The following MACF1 variants were observed in gnomAD, a reference collection of about 807,000 sequenced individuals.
MACF1 encodes the protein microtubule-actin cross-linking factor 1.
MACF1 carries 193 observed loss-of-function variants against 854.8 expected under a neutral mutation model. That is an observed-to-expected ratio of 0.23 (90% CI 0.20 to 0.25). MACF1 has a LOEUF of 0.25. MACF1 is among the 10% of genes least tolerant of loss of function. MACF1 has a pLI of 1.00. For missense variants in MACF1, 7,722 were observed against 8,929.1 expected (o/e 0.86, Z 5.45); for synonymous variants, 3,185 against 3,226.7 (o/e 0.99, Z 0.44).
At chr1:39,449,822 C>G (rs1026272332) in intron 84 of MACF1, among the ~76,000 whole-genome samples, 1 of 151,376 alleles carries the variant, frequency 6.6e-6, no homozygotes, top group Non-Finnish European at 1.5e-5. Context: ...TCTTGAGTAG[C>G]TCAGACTATA....
chr1:39,442,239 G>T lies in MACF1; in HGVS notation c.18867G>T (p.Thr6289=), dbSNP rs370347610. ...TGTTAAAGAAAGCTACTGATGAGAC[G>T]GACAGAGACATTATACGAGAACCAC... The part of the protein sequence containing the change: ...ELMLKKATDE[T]DRDIIREPLT... Residue 6289 remains threonine, a synonymous_variant, in exon 76 of 101, where the codon ACG becomes ACT. Coordinates refer to ENST00000564288, the MANE Select transcript of MACF1 (RefSeq NM_001394062.1). The T allele has an allele frequency of 8.1e-6, 13 of 1,610,062 alleles. No homozygotes were observed. The highest frequency in any genetic ancestry group is 2.2e-5 in the East Asian group (1 of 44,864).
intron 6 of MACF1, among the ~76,000 whole-genome samples, chr1:39,270,127 G>A (rs1645288558): frequency 6.6e-6 from 1 of 152,218 alleles, no homozygotes; most frequent in South Asian, 2.1e-4. Flanking sequence ...GAATAAATGT[G>A]GAAGGGGTCA....
intron 84 of MACF1, among the ~76,000 whole-genome samples, 197 bp from the exon 85 acceptor site, chr1:39,450,855 C>G (rs1644329420): frequency 6.6e-6 from 1 of 152,014 alleles, no homozygotes; most frequent in Non-Finnish European, 1.5e-5. Flanking sequence ...TCGTGATCTG[C>G]CCACCTCGGC....
intron 58 of MACF1, among the ~76,000 whole-genome samples, chr1:39,389,239 G>A (rs966201478): frequency 6.6e-6 from 1 of 151,316 alleles, no homozygotes; most frequent in Non-Finnish European, 1.5e-5. Context: ...AGAAAGAAAT[G>A]TCCAAGTCTT....
In MACF1 at chr1:39,295,120, T is replaced by C. The variant is rs764089257; in HGVS notation, c.2229T>C (p.Leu743=). The C allele has an allele frequency of 6.2e-7, 1 of 1,614,022 alleles. No individual in the cohort carries two copies. The highest frequency in any genetic ancestry group is 8.5e-7 in the Non-Finnish European group (1 of 1,179,942). The part of the protein sequence containing the change: ...SLQDTAELLS[L]ENHPAKQTVE... ...AAGATACAGCAGAACTACTTTCACTTGAGAACCACCCAGCCAAGCAGACAG... is the reference window on the plus strand; with the variant it reads ...AAGATACAGCAGAACTACTTTCACTCGAGAACCACCCAGCCAAGCAGACAG... The change falls in exon 19 of 101, where the codon CTT becomes CTC. Residue 743 remains leucine, a synonymous_variant. Transcript: ENST00000564288.
intron 65 of MACF1, 101 bp from the exon 66 acceptor site, chr1:39,430,601 C>A: frequency 1.2e-6 from 1 of 861,476 alleles, no homozygotes; most frequent in Non-Finnish European, 1.9e-6. Context: ...AGGTCAGAGT[C>A]CTGCTGGGAT....
chr1:39,145,688 T>A (rs1191808540), intron 2 of MACF1, among the ~76,000 whole-genome samples: 1 of 152,196 alleles, frequency 6.6e-6, no homozygotes, highest in Non-Finnish European at 1.5e-5. Context: ...CGCTGTTTCA[T>A]CTTGTCACAG....
intron 97 of MACF1, among the ~76,000 whole-genome samples, chr1:39,474,478 C>G (rs572763095): frequency 6.7e-6 from 1 of 150,152 alleles, no homozygotes; most frequent in Admixed American, 6.6e-5. Context: ...GGCGGATCAC[C>G]CGAGGTCAGG....
intron 20 of MACF1, among the ~76,000 whole-genome samples, chr1:39,296,749 A>AAG (rs1645911453): frequency 1.4e-5 from 1 of 69,480 alleles, no homozygotes; most frequent in Non-Finnish European, 3.5e-5. Context: ...AAAGAAAGAA[A>AAG]GAAAGGAAGG....
In MACF1 at chr1:39,335,783, C is replaced by A; in HGVS notation, c.9195C>A (p.Ser3065Arg). The A allele has an allele frequency of 6.2e-7, 1 of 1,614,170 alleles. No individual in the cohort carries two copies. Among genetic ancestry groups the A allele is most frequent in the Non-Finnish European group, 8.5e-7 (1 of 1,180,002 alleles). ...ATTTAGATGCTTTAACACTCTTCAG[C>A]TCTAAACAGGCCAATGAAGGAAAAG... ...VKHLDALTLF[S>R]SKQANEGKVN... The change falls in exon 37 of 101, where the codon AGC becomes AGA. Residue 3065 changes from serine (S) to arginine (R), a missense_variant. By Grantham distance (110) the Ser-to-Arg change is moderately radical. This residue lies in a region of MACF1 where 854 missense variants were observed against 852.6 expected (regional missense o/e 1.00). Transcript: ENST00000564288.
Position 39,353,126 on chromosome 1 carries a change from G to A in MACF1, c.11319G>A (p.Gln3773=), listed in dbSNP as rs746266346. The A allele has an allele frequency of 6.2e-7, 1 of 1,614,190 alleles. No homozygotes were observed. The highest frequency in any genetic ancestry group is 2.2e-5 in the East Asian group (1 of 44,874). The change falls in exon 44 of 101, where the codon CAG becomes CAA. Residue 3773 remains glutamine (Q), a synonymous_variant. Transcript: ENST00000564288. ...QLLTNLPGME[Q]LSGASLEKGA... ...TGACCAACCTTCCAGGAATGGAGCA[G>A]CTCTCGGGAGCTAGCTTGGAGAAAG...
chr1:39,351,015 A>G lies in MACF1; in HGVS notation c.11196A>G (p.Glu3732=). 6.2e-7 allele frequency: 1 copy of G among 1,612,498 alleles called. No homozygotes were observed. The highest frequency in any genetic ancestry group is 8.5e-7 in the Non-Finnish European group (1 of 1,178,742). ...AVTSALQQET[E]KSKAAKELAE... ...CCTCCGCCTTACAGCAGGAGACTGA[A>G]AAGGTAATAGACTGCTATGACGCTT... The change falls in exon 43 of 101, where the codon GAA becomes GAG. Residue 3732 remains glutamate (E), a synonymous_variant. Coordinates refer to ENST00000564288, the MANE Select transcript of MACF1 (RefSeq NM_001394062.1).
intron 2 of MACF1, among the ~76,000 whole-genome samples, chr1:39,125,484 T>C (rs911026112): frequency 2.6e-5 from 4 of 152,220 alleles, no homozygotes; most frequent in Non-Finnish European, 5.9e-5. Flanking sequence ...GGATACTCAA[T>C]ATCCGTGAGT....
chr1:39,484,176 T>G (rs1262032183), intron 99 of MACF1, among the ~76,000 whole-genome samples: 2 of 152,174 alleles, frequency 1.3e-5, no homozygotes, highest in African/African-American at 2.4e-5. Context: ...AAAAAAAGAT[T>G]GGAGTAATAC....
chr1:39,439,411 A>G lies in MACF1; in HGVS notation c.18358A>G (p.Thr6120Ala), dbSNP rs1644053730. The change falls in exon 72 of 101, where the codon ACC (threonine) becomes GCC (alanine). Residue 6120 changes from threonine (T) to alanine (A), a missense_variant. Around this residue, in one of 15 missense-constraint regions of MACF1, gnomAD observed 2,807 missense variants for 3,235.8 expected, o/e 0.87. Coordinates refer to ENST00000564288, the MANE Select transcript of MACF1 (RefSeq NM_001394062.1). ...FWYDMAALLT[T>A]IKDTQDIVHD... ...GTATGACATGGCAGCTCTCCTGACCACCATCAAAGACACCCAGGATATTGT... is the reference window on the plus strand; with the variant it reads ...GTATGACATGGCAGCTCTCCTGACCGCCATCAAAGACACCCAGGATATTGT... 6.2e-7 allele frequency: 1 copy of G among 1,614,200 alleles called. No homozygotes were observed. Among genetic ancestry groups the G allele is most frequent in the South Asian group, 1.1e-5 (1 of 91,080 alleles).
At chr1:39,370,894 C>G (rs913941156) in intron 51 of MACF1, among the ~76,000 whole-genome samples, 6 of 152,178 alleles carry the variant, frequency 3.9e-5, no homozygotes, top group Admixed American at 1.3e-4. Context: ...CTTCTACTTG[C>G]TAAGAAGTTA....
At chr1:39,420,752 A>T (rs183918370) in intron 58 of MACF1, among the ~76,000 whole-genome samples, 3 of 152,112 alleles carry the variant, frequency 2.0e-5, no homozygotes, top group Non-Finnish European at 4.4e-5. Flanking sequence ...ATTTTCTGTC[A>T]TCCTCTGGCC....
Position 39,335,184 on chromosome 1 carries a change from A to C in MACF1, c.8596A>C (p.Ser2866Arg), listed in dbSNP as rs747882308. 3 of 1,614,054 alleles carry C rather than the reference A, an allele frequency of 1.9e-6. No homozygotes were observed. In the Admixed American group the frequency reaches 5.0e-5, roughly 27 times the overall value. ...RMSSDAKEFISIINPHNLKGK... is the reference protein window; with the variant it reads ...RMSSDAKEFIRIINPHNLKGK... ...GTCTTCAGATGCTAAAGAATTTATC[A>C]GTATCATAAATCCTCATAATCTTAA... Residue 2866 changes from serine (S) to arginine (R), a missense_variant, in exon 37 of 101, where the codon AGT (serine) becomes CGT (arginine). Transcript: ENST00000564288.
rs187737220 is a variant in MACF1, at chr1:39,131,312, A to G, written c.220+46874A>G. 6.4e-4 allele frequency among the ~76,000 whole-genome samples: 97 copies of G among 150,844 alleles called. 1 individual carries two copies. The highest frequency in any genetic ancestry group is 2.2e-3 in the Admixed American group (33 of 15,118). On this transcript the variant is annotated intron_variant, in intron 2 of 93. Coordinates refer to the MACF1 transcript ENST00000361689. ...CTGAGTAAGCTAGGAATACAGGCACATGCCATCATGCCCAGCTCAGTTTTA... is the reference window on the plus strand; with the variant it reads ...CTGAGTAAGCTAGGAATACAGGCACGTGCCATCATGCCCAGCTCAGTTTTA...
Sources: allele counts gnomAD v4.1 joint callset (sites outside exome capture counted in the v4.1 genomes callset), GRCh38; gene constraint gnomAD v4.1.1; regional missense constraint gnomAD v4.1.1; transcripts MANE v1.5; gene names NCBI Gene and HGNC (gene_info 2026-07-23, HGNC 2026-07-21).